SUPT3H: variants seen among roughly 807,000 people sequenced by gnomAD.
SUPT3H encodes the protein transcription initiation protein SPT3 homolog.
SUPT3H carries 44 observed loss-of-function variants against 44.3 expected under a neutral mutation model. That is an observed-to-expected ratio of 0.99 (90% confidence interval 0.78 to 1.28). The LOEUF (loss-of-function observed/expected upper bound fraction) is 1.28, where lower values mean the gene tolerates loss of function less well. SUPT3H is among the 50% of genes most tolerant of loss of function. The probability of loss-of-function intolerance (pLI) is 0.00; values close to 1 mark genes in which losing one functional copy is unlikely to be tolerated. For missense variants in SUPT3H, 380 were observed against 387.1 expected, an observed-to-expected ratio of 0.98 and a Z score of 0.15; for synonymous variants, 124 against 125.6, an observed-to-expected ratio of 0.99 and a Z score of 0.09.
In SUPT3H at chr6:45,020,637, CAAT is replaced by C; in HGVS notation, c.187-8_187-6del. 6.2e-7 allele frequency: 1 copy of C among 1,607,946 alleles called. No homozygotes were observed. The highest frequency in any genetic ancestry group is 8.5e-7 in the Non-Finnish European group (1 of 1,176,352). ...AACTTCAGCAGCTTGCTGTAACTAA[CAAT>C]AATGAAAATTTAGAAATTTTTCTCA... On this transcript the variant is annotated splice_region_variant and splice_polypyrimidine_tract_variant and intron_variant, in intron 3 of 10. Coordinates refer to ENST00000371459, the MANE Select transcript of SUPT3H (RefSeq NM_003599.4).
At chr6:45,165,323 C>T (rs954238896) in intron 2 of SUPT3H, among the ~76,000 whole-genome samples, 1 of 152,146 alleles carries the variant, frequency 6.6e-6, no homozygotes, top group Non-Finnish European at 1.5e-5. Flanking sequence ...TGTAGCAACA[C>T]CAAAATCCAA....
At chr6:45,076,160 A>G (rs1282830734) in intron 3 of SUPT3H, among the ~76,000 whole-genome samples, 2 of 152,192 alleles carry the variant, frequency 1.3e-5, no homozygotes, top group African/African-American at 4.8e-5. Flanking sequence ...GTGTATAACC[A>G]TACACACAGT....
intron 2 of SUPT3H, among the ~76,000 whole-genome samples, chr6:45,204,575 A>G (rs1762950585): frequency 6.6e-6 from 1 of 152,202 alleles, no homozygotes; most frequent in South Asian, 2.1e-4. Context: ...CTCTGCATCA[A>G]ACAGATCTGC....
At chr6:45,285,070 T>C (rs995949990) in intron 2 of SUPT3H, among the ~76,000 whole-genome samples, 1 of 151,688 alleles carries the variant, frequency 6.6e-6, no homozygotes, top group African/African-American at 2.4e-5. Flanking sequence ...TCTCAATAAA[T>C]TAGGTATTGA....
chr6:45,173,913 T>C (rs572410212), intron 2 of SUPT3H, among the ~76,000 whole-genome samples: 3 of 152,356 alleles, frequency 2.0e-5, no homozygotes, highest in African/African-American at 2.4e-5. Flanking sequence ...ACCTACTTTA[T>C]TGTTCTACTC....
intron 3 of SUPT3H, among the ~76,000 whole-genome samples, chr6:45,028,885 T>C (rs1240999416): frequency 3.0e-5 from 1 of 32,916 alleles, no homozygotes. Flanking sequence ...TCTTGGTGAA[T>C]AAACAGTTGC....
intron 2 of SUPT3H, among the ~76,000 whole-genome samples, chr6:45,185,468 T>A (rs1814041617): frequency 6.6e-6 from 1 of 152,102 alleles, no homozygotes; most frequent in African/African-American, 2.4e-5. Flanking sequence ...AAAAATAAAG[T>A]GGGAGGAGTC....
intron 2 of SUPT3H, among the ~76,000 whole-genome samples, chr6:45,141,746 C>A (rs933791292): frequency 1.3e-4 from 20 of 152,052 alleles, no homozygotes; most frequent in Admixed American, 1.2e-3. Context: ...AAATTGCCAA[C>A]AAAAACAAGT....
intron 2 of SUPT3H, among the ~76,000 whole-genome samples, chr6:45,316,660 T>G (rs1235437967): frequency 6.6e-6 from 1 of 152,102 alleles, no homozygotes; most frequent in Non-Finnish European, 1.5e-5. Flanking sequence ...AAAAAACTCA[T>G]TAACAATAGC....
At chr6:45,177,060 C>G (rs940230028) in intron 2 of SUPT3H, among the ~76,000 whole-genome samples, 3 of 152,214 alleles carry the variant, frequency 2.0e-5, no homozygotes, top group African/African-American at 7.2e-5. Context: ...CGGAACAAAG[C>G]TGGACGGAGA....
chr6:45,123,913 C>T (rs191329130), intron 2 of SUPT3H, among the ~76,000 whole-genome samples: 1 of 152,290 alleles, frequency 6.6e-6, no homozygotes, highest in Admixed American at 6.5e-5. Context: ...TCATGAAATA[C>T]TACTCATCTT....
intron 2 of SUPT3H, among the ~76,000 whole-genome samples, chr6:45,165,487 C>T (rs1809693813): frequency 6.6e-6 from 1 of 151,938 alleles, no homozygotes; most frequent in Admixed American, 6.6e-5. Flanking sequence ...AAAAATACAA[C>T]CATTACCAAA....
chr6:45,252,628 C>T (rs1772571902), intron 2 of SUPT3H, among the ~76,000 whole-genome samples: 1 of 150,976 alleles, frequency 6.6e-6, no homozygotes, highest in Non-Finnish European at 1.5e-5. Context: ...AGGTAAAATA[C>T]AAACAGGCAC....
chr6:45,294,777 T>C (rs1261707529), intron 2 of SUPT3H, among the ~76,000 whole-genome samples: 1 of 99,506 alleles, frequency 1.0e-5, no homozygotes, highest in Non-Finnish European at 1.9e-5. Flanking sequence ...CTTAGGAATA[T>C]ACCTAACCAA....
At position 45,105,939 on chromosome 6, in the gene SUPT3H, T is replaced by C. The variant is rs779220884; in HGVS notation, c.169A>G (p.Thr57Ala). ...TAVLVEDVVH[T>A]QLINLLQQAA... ...GCTCTTACCAGATTAATTAACTGAG[T>C]GTGTACCACATCTTCTACCAAAACT... The change falls in exon 3 of 11, where the codon ACT becomes GCT. Residue 57 changes from threonine (T) to alanine (A), a missense_variant. Coordinates refer to ENST00000371459, the MANE Select transcript of SUPT3H (RefSeq NM_003599.4). 5 of 1,613,426 alleles carry C rather than the reference T, an allele frequency of 3.1e-6. No homozygotes were observed. In the Admixed American group the frequency reaches 8.3e-5, roughly 27 times the overall value.
chr6:45,025,504 G>A (rs1051854043), intron 3 of SUPT3H, among the ~76,000 whole-genome samples: 2 of 152,182 alleles, frequency 1.3e-5, no homozygotes, highest in Non-Finnish European at 2.9e-5. Flanking sequence ...GTTAAGCTAT[G>A]TAAAATCGAT....
chr6:45,021,821 T>C (rs1000828784), intron 3 of SUPT3H, among the ~76,000 whole-genome samples: 1 of 152,014 alleles, frequency 6.6e-6, no homozygotes, highest in African/African-American at 2.4e-5. Context: ...AAACTCGCTA[T>C]GTGTCAGCTT....
At chr6:45,122,849 CTT>C (rs1360628802) in intron 2 of SUPT3H, among the ~76,000 whole-genome samples, 23 of 152,266 alleles carry the variant, frequency 1.5e-4, no homozygotes, top group Non-Finnish European at 1.3e-4. Flanking sequence ...TTGCTAGACT[CTT>C]TCATTTTGGA....
downstream of SUPT3H, among the ~76,000 whole-genome samples, chr6:44,824,087 C>G (rs1767561476): frequency 6.6e-6 from 1 of 152,214 alleles, no homozygotes; most frequent in African/African-American, 2.4e-5. Flanking sequence ...TTGGTATCTT[C>G]CTGTGGGATT....
Sources: allele counts gnomAD v4.1 joint callset (sites outside exome capture counted in the v4.1 genomes callset), GRCh38; gene constraint gnomAD v4.1.1; transcripts MANE v1.5; gene names NCBI Gene and HGNC (gene_info 2026-07-23, HGNC 2026-07-21).